The following NDST4 variants were observed in gnomAD, a reference collection of about 807,000 sequenced individuals.
NDST4 encodes N-deacetylase and N-sulfotransferase 4.
Under a neutral mutation model 100.8 loss-of-function variants are expected in NDST4, and 63 were observed. The observed-to-expected ratio is 0.62, with a 90% CI of 0.51 to 0.77. The LOEUF is 0.77. Ranked by LOEUF, NDST4 falls within the 30% of genes least tolerant of loss-of-function variation. The pLI is 0.00. For missense variants in NDST4, 943 were observed against 1,018.4 expected (o/e 0.93, Z 1.01); for synonymous variants, 377 against 361.8 (o/e 1.04, Z -0.48).
At chr4:114,829,744 T>C in intron 13 of NDST4, 46 bp downstream of exon 13, 1 of 1,431,160 alleles carries the variant, frequency 7.0e-7, no homozygotes, top group Non-Finnish European at 9.6e-7. Context: ...AATAGCTGTT[T>C]GCAAATATTT....
At chr4:115,103,856 T>C (rs1248150042) in intron 1 of NDST4, among the ~76,000 whole-genome samples, 1 of 152,106 alleles carries the variant, frequency 6.6e-6, no homozygotes, top group African/African-American at 2.4e-5. Flanking sequence ...CAGAAAAGCA[T>C]GATAAAAACT....
intron 2 of NDST4, among the ~76,000 whole-genome samples, chr4:115,057,202 A>G (rs1258522382): frequency 6.6e-6 from 1 of 152,182 alleles, no homozygotes; most frequent in East Asian, 1.9e-4. Context: ...GTGGTACAGT[A>G]GTCTGCCTGT....
intron 2 of NDST4, among the ~76,000 whole-genome samples, chr4:114,986,012 C>G (rs369276471): frequency 6.6e-6 from 1 of 152,068 alleles, no homozygotes; most frequent in African/African-American, 2.4e-5. Context: ...GTTTCAGGAA[C>G]TAACTGCACA....
Position 115,107,422 on chromosome 4 carries a change from A to G in NDST4, c.-247+6022T>C, listed in dbSNP as rs535691050. Among the ~76,000 whole-genome samples the G allele has an allele frequency of 8.5e-5, 13 of 152,216 alleles. No individual in the cohort carries two copies. The South Asian group carries it at 2.7e-3, about 32-fold the overall frequency. On this transcript the variant is annotated intron_variant, in intron 1 of 13. Coordinates refer to ENST00000264363, the MANE Select transcript of NDST4 (RefSeq NM_022569.3). ...GACCTGAGGAGGATAATCAATAGAC[A>G]GAGACAAAATTCAGCTTGTCAGCTT...
intron 6 of NDST4, 143 bp downstream of exon 6, chr4:114,935,058 AAAAGT>A: frequency 1.7e-6 from 1 of 593,830 alleles, no homozygotes; most frequent in Non-Finnish European, 2.4e-6. Flanking sequence ...TTTTATCAAG[AAAAGT>A]ATTTTAATAT....
intron 1 of NDST4, among the ~76,000 whole-genome samples, chr4:115,109,134 A>AGGAAG (rs1389610815): frequency 2.6e-5 from 4 of 151,744 alleles, no homozygotes; most frequent in African/African-American, 9.7e-5. Context: ...AGAAAAAGAG[A>AGGAAG]GGAAGGGAAG....
chr4:114,925,919 GC>G (rs1725376786), intron 6 of NDST4, among the ~76,000 whole-genome samples: 3 of 152,090 alleles, frequency 2.0e-5, no homozygotes, highest in South Asian at 4.1e-4. Flanking sequence ...TTAATTTCAA[GC>G]TTTTATACTT....
intron 2 of NDST4, among the ~76,000 whole-genome samples, chr4:115,045,250 A>T (rs1728440406): frequency 6.6e-6 from 1 of 152,132 alleles, no homozygotes; most frequent in African/African-American, 2.4e-5. Flanking sequence ...AATTTGCCTT[A>T]GGCATGAAAA....
chr4:114,972,731 A>G (rs1726541432), intron 3 of NDST4, among the ~76,000 whole-genome samples: 1 of 151,984 alleles, frequency 6.6e-6, no homozygotes, highest in East Asian at 1.9e-4. Flanking sequence ...TTGAATACAG[A>G]GTGTTTGAAA....
At chr4:115,039,937 G>A (rs991510920) in intron 2 of NDST4, among the ~76,000 whole-genome samples, 1 of 151,670 alleles carries the variant, frequency 6.6e-6, no homozygotes, top group Admixed American at 6.6e-5. Flanking sequence ...ACATTTATAC[G>A]CAACCAATAC....
intron 7 of NDST4, among the ~76,000 whole-genome samples, chr4:114,866,409 A>C (rs1724026708): frequency 6.6e-6 from 1 of 152,218 alleles, no homozygotes; most frequent in African/African-American, 2.4e-5. Flanking sequence ...ATTGCCTATC[A>C]AATTCAAATT....
chr4:115,100,419 T>C (rs1729707504), intron 1 of NDST4, among the ~76,000 whole-genome samples: 1 of 151,998 alleles, frequency 6.6e-6, no homozygotes, highest in African/African-American at 2.4e-5. Flanking sequence ...ATGGAAAGTC[T>C]TTGTACTTTC....
intron 2 of NDST4, among the ~76,000 whole-genome samples, chr4:115,018,284 T>C (rs555361116): frequency 3.9e-5 from 6 of 152,100 alleles, no homozygotes; most frequent in African/African-American, 1.4e-4. Context: ...CATTGACTAG[T>C]ATAACATATA....
intron 1 of NDST4, among the ~76,000 whole-genome samples, chr4:115,089,599 A>G (rs1344012299): frequency 6.6e-6 from 1 of 151,762 alleles, no homozygotes; most frequent in Non-Finnish European, 1.5e-5. Flanking sequence ...CTGTGGGTAC[A>G]TTTTCAATAG....
intron 2 of NDST4, among the ~76,000 whole-genome samples, chr4:115,043,325 T>A (rs1471022080): frequency 6.6e-6 from 1 of 152,122 alleles, no homozygotes; most frequent in Non-Finnish European, 1.5e-5. Context: ...TGGAGGATGA[T>A]GTACATTTTA....
At chr4:114,852,591 C>G (rs1162888168) in intron 8 of NDST4, 134 bp downstream of exon 8, 1 of 569,490 alleles carries the variant, frequency 1.8e-6, no homozygotes, top group Non-Finnish European at 3.1e-6. Flanking sequence ...AGATGACAAG[C>G]AGTTCAAATA....
At chr4:114,840,816 A>G (rs559258013) in intron 10 of NDST4, among the ~76,000 whole-genome samples, 8 of 152,274 alleles carry the variant, frequency 5.3e-5, no homozygotes, top group South Asian at 2.1e-4. Flanking sequence ...GATGGATCTT[A>G]TGTGTGAGTT....
At chr4:114,975,152 C>T (rs2126243081) in intron 3 of NDST4, among the ~76,000 whole-genome samples, 1 of 152,186 alleles carries the variant, frequency 6.6e-6, no homozygotes, top group Middle Eastern at 3.4e-3. Flanking sequence ...TGTAACTCAG[C>T]TCCAGAAGAA....
chr4:114,907,722 G>A (rs1724981697), intron 6 of NDST4, among the ~76,000 whole-genome samples: 1 of 151,978 alleles, frequency 6.6e-6, no homozygotes, highest in Admixed American at 6.6e-5. Context: ...ACCTCAACTT[G>A]GGGTGGGGGT....
Sources: gnomAD v4.1 joint callset for allele counts (sites outside exome capture counted in the v4.1 genomes callset) on GRCh38, gnomAD v4.1.1 for gene constraint, MANE v1.5 for transcripts, NCBI Gene and HGNC (gene_info 2026-07-23, HGNC 2026-07-21) for gene names.